Variants in PIEZO2 observed in about 807,000 individuals in gnomAD.
PIEZO2 encodes piezo type mechanosensitive ion channel component 2.
Under a neutral mutation model 337.3 loss-of-function variants are expected in PIEZO2, and 172 were observed. The ratio of observed to expected loss-of-function variants is 0.51; its 90% CI spans 0.45 to 0.58. The LOEUF (loss-of-function observed/expected upper bound fraction) is 0.58, where lower values mean the gene tolerates loss of function less well. Among genes scored for constraint, PIEZO2 ranks in the 20% least tolerant of loss-of-function variants. The pLI, the probability that PIEZO2 is intolerant of heterozygous loss-of-function variation, is 0.00. For missense variants in PIEZO2, 3,028 were observed against 3,391.3 expected (o/e 0.89, Z 2.66); for synonymous variants, 1,251 against 1,228.5 (o/e 1.02, Z -0.38).
chr18:10,722,220 G>T (rs2036343139), intron 36 of PIEZO2, among the ~76,000 whole-genome samples: 1 of 149,208 alleles, frequency 6.7e-6, no homozygotes, highest in Admixed American at 6.7e-5. Flanking sequence ...CATCATATTT[G>T]GGAGGAGAGA....
At chr18:10,735,044 T>A (rs1218228162) in intron 35 of PIEZO2, among the ~76,000 whole-genome samples, 188 bp downstream of exon 35, 1 of 152,208 alleles carries the variant, frequency 6.6e-6, no homozygotes, top group African/African-American at 2.4e-5. Context: ...AAGAGTCAAA[T>A]AATAAGAACT....
At position 10,878,090 on chromosome 18, in the gene PIEZO2, C is replaced by A. The variant is rs926108400; in HGVS notation, c.330-6675G>T. ...ACCCATTCCAGAATAGAATGGACCG[C>A]CATCCCTCCCACATCCTCCATCAGT... On this transcript the variant is annotated intron_variant, in intron 4 of 55. Coordinates refer to ENST00000674853, the MANE Select transcript of PIEZO2 (RefSeq NM_001378183.1). This position sits in a 1 kb window ranked among gnomAD's most constrained non-coding sequence, Gnocchi z 4.3. 6.6e-6 allele frequency among the ~76,000 whole-genome samples: 1 copy of A among 152,150 alleles called. No homozygotes were observed. The highest frequency in any genetic ancestry group is 2.4e-5 in the African/African-American group (1 of 41,420).
chr18:10,790,303 T>C (rs2039365106), intron 14 of PIEZO2, among the ~76,000 whole-genome samples: 2 of 152,206 alleles, frequency 1.3e-5, no homozygotes, highest in Admixed American at 6.5e-5. Flanking sequence ...TTCATTCTTA[T>C]GGTTACTGGT....
intron 39 of PIEZO2, among the ~76,000 whole-genome samples, chr18:10,711,941 G>A (rs1235519183): frequency 2.6e-5 from 4 of 152,022 alleles, no homozygotes; most frequent in Non-Finnish European, 5.9e-5. Flanking sequence ...ACAGTCCAAA[G>A]CTGAGAGCAG....
Position 10,807,153 on chromosome 18 carries a change from T to G in PIEZO2, c.1039A>C (p.Thr347Pro). The G allele has an allele frequency of 6.5e-7, 1 of 1,537,198 alleles. No homozygotes were observed. Among genetic ancestry groups the G allele is most frequent in the Non-Finnish European group, 8.7e-7 (1 of 1,146,902 alleles). ...NPILLLVMYY[T>P]LATLIRIWLQ... Reference sequence around the variant, plus strand: ...CAGATGCGGATCAGAGTGGCCAGAGTGTAGTACATCACCAGCAGGAGGATA... The same window carrying G: ...CAGATGCGGATCAGAGTGGCCAGAGGGTAGTACATCACCAGCAGGAGGATA... Residue 347 changes from threonine to proline, a missense_variant, in exon 8 of 56, where the codon ACT (threonine) becomes CCT (proline). By Grantham distance (38) the Thr-to-Pro change is conservative. Coordinates refer to ENST00000674853, the MANE Select transcript of PIEZO2 (RefSeq NM_001378183.1).
chr18:10,803,809 A>G, intron 9 of PIEZO2, 66 bp downstream of exon 9: 3 of 1,518,332 alleles, frequency 2.0e-6, no homozygotes, highest in Non-Finnish European at 2.6e-6. Context: ...TATAAGGCTC[A>G]TATTCAACAG....
intron 2 of PIEZO2, among the ~76,000 whole-genome samples, chr18:11,014,995 T>C (rs149315378): frequency 9.3e-3 from 1,142 of 122,938 alleles, no homozygotes; most frequent in African/African-American, 0.019. Context: ...GGCCCCCTCA[T>C]TCCTCAGTGT....
At chr18:11,133,115 A>G (rs574826147) in intron 1 of PIEZO2, among the ~76,000 whole-genome samples, 20 of 152,166 alleles carry the variant, frequency 1.3e-4, no homozygotes, top group Non-Finnish European at 2.8e-4. Flanking sequence ...GTTATGCGTT[A>G]TTTCCTCCTT....
At chr18:10,913,253 G>T (rs1408566425) in intron 3 of PIEZO2, among the ~76,000 whole-genome samples, 1 of 152,154 alleles carries the variant, frequency 6.6e-6, no homozygotes, top group African/African-American at 2.4e-5. Flanking sequence ...GACTGGCAGA[G>T]AATACATAAC....
At chr18:10,780,078 G>C (rs967599197) in intron 18 of PIEZO2, among the ~76,000 whole-genome samples, 1 of 152,146 alleles carries the variant, frequency 6.6e-6, no homozygotes, top group African/African-American at 2.4e-5. Flanking sequence ...TGAATGGGAC[G>C]TAAGTTTGAA....
chr18:10,730,994 A>G (rs60729765), intron 36 of PIEZO2, among the ~76,000 whole-genome samples: 93,837 of 151,796 alleles, frequency 0.62, 30,422 homozygotes, highest in African/African-American at 0.82. Context: ...CCAAAGTGCT[A>G]GGATTACAGG....
chr18:10,755,047 G>A (rs2143791227), intron 27 of PIEZO2, among the ~76,000 whole-genome samples: 1 of 152,204 alleles, frequency 6.6e-6, no homozygotes, highest in South Asian at 2.1e-4. Context: ...TATATGCATT[G>A]GTATATGCCA....
intron 2 of PIEZO2, among the ~76,000 whole-genome samples, chr18:11,062,737 C>G (rs1292302148): frequency 1.3e-5 from 2 of 151,916 alleles, no homozygotes; most frequent in African/African-American, 4.8e-5. Context: ...TTAGAATGGC[C>G]ATCATTAAAA....
intron 2 of PIEZO2, among the ~76,000 whole-genome samples, chr18:11,023,824 G>A (rs1194344412): frequency 3.3e-5 from 5 of 152,210 alleles, no homozygotes; most frequent in African/African-American, 7.2e-5. Flanking sequence ...GCGAGAATTC[G>A]AGCGCAGCGC....
At position 10,973,229 on chromosome 18, in the gene PIEZO2, C is replaced by T. The variant is rs1472920433; in HGVS notation, c.286+6306G>A. 6.6e-6 allele frequency among the ~76,000 whole-genome samples: 1 copy of T among 152,216 alleles called. No homozygotes were observed. The highest frequency in any genetic ancestry group is 2.4e-5 in the African/African-American group (1 of 41,468). ...ACGGGTGGGTGTCATGCAGTGCTACCACTCAGCTCGCCTTCGTGCCTGTGT... is the reference window on the plus strand; with the variant it reads ...ACGGGTGGGTGTCATGCAGTGCTACTACTCAGCTCGCCTTCGTGCCTGTGT... On this transcript the variant is annotated intron_variant, in intron 3 of 55. Coordinates refer to ENST00000674853, the MANE Select transcript of PIEZO2 (RefSeq NM_001378183.1). This position sits in a 1 kb window ranked among gnomAD's most constrained non-coding sequence, Gnocchi z 4.9.
At chr18:10,801,571 A>G in intron 9 of PIEZO2, 143 bp from the exon 10 acceptor site, 1 of 713,772 alleles carries the variant, frequency 1.4e-6, no homozygotes, top group Non-Finnish European at 2.3e-6. Context: ...CATGCAAAAT[A>G]TAAAAGGACA....
chr18:11,134,817 A>T (rs1038874869), intron 1 of PIEZO2, among the ~76,000 whole-genome samples: 3 of 152,152 alleles, frequency 2.0e-5, no homozygotes, highest in Non-Finnish European at 4.4e-5. Context: ...ATAAATAAAA[A>T]TGTTTCCCAA....
rs2035595792 is a variant in PIEZO2 at position 11,002,962 on chromosome 18, A to G, written c.161-23302T>C. 1.3e-5 allele frequency among the ~76,000 whole-genome samples: 2 copies of G among 152,216 alleles called. No homozygotes were observed. ...GTTGATTAACCAGTGCCACTCAAAC[A>G]GAGGAAGTGAGGCAAGAGGCGCTCC... On this transcript the variant is annotated intron_variant, in intron 2 of 55. Coordinates refer to ENST00000674853, the MANE Select transcript of PIEZO2 (RefSeq NM_001378183.1). The surrounding 1 kb of genome is among the most constrained non-coding windows in gnomAD (Gnocchi z 4.3).
intron 2 of PIEZO2, among the ~76,000 whole-genome samples, chr18:11,023,786 T>C (rs547146631): frequency 6.6e-6 from 1 of 152,322 alleles, no homozygotes; most frequent in African/African-American, 2.4e-5. Flanking sequence ...TCCCGAACCC[T>C]GCCCCGCTGG....
Sources: allele counts gnomAD v4.1 joint callset (sites outside exome capture counted in the v4.1 genomes callset), GRCh38; gene constraint gnomAD v4.1.1; non-coding constraint Gnocchi (gnomAD v3.1); transcripts MANE v1.5; gene names NCBI Gene and HGNC (gene_info 2026-07-23, HGNC 2026-07-21).